Variants in CSMD1 observed in about 807,000 individuals in gnomAD.
CSMD1 encodes CUB and Sushi multiple domains 1, also known as CUB and sushi domain-containing protein 1.
In CSMD1, 213 loss-of-function variants were observed where a neutral mutation model predicts 417.5. The ratio of observed to expected loss-of-function variants is 0.51; its 90% CI spans 0.46 to 0.57. The LOEUF is 0.57. Ranked by LOEUF, CSMD1 falls within the 20% of genes least tolerant of loss-of-function variation. CSMD1 has a pLI of 0.00. For synonymous variants in CSMD1, 2,862 were observed against 1,736.8 expected, an observed-to-expected ratio of 1.65 and a Z score of -16.11; for missense variants, 6,923 against 4,529.7, an observed-to-expected ratio of 1.53 and a Z score of -15.17.
At chr8:3,323,772 A>G (rs1303888258) in intron 23 of CSMD1, among the ~76,000 whole-genome samples, 2 of 136,294 alleles carry the variant, frequency 1.5e-5, no homozygotes, top group East Asian at 6.0e-4. Flanking sequence ...ATCATTGTTA[A>G]AATAGGCCCA....
At chr8:3,474,633 ACT>A (rs1563073397) in intron 11 of CSMD1, among the ~76,000 whole-genome samples, 1 of 152,016 alleles carries the variant, frequency 6.6e-6, no homozygotes. Context: ...TAGGAACTTA[ACT>A]CTTGTTTATA....
At chr8:3,813,811 CTTAA>C (rs774912937) in intron 5 of CSMD1, among the ~76,000 whole-genome samples, 4 of 151,866 alleles carry the variant, frequency 2.6e-5, no homozygotes, top group African/African-American at 4.9e-5. Context: ...TACTGAAAAA[CTTAA>C]AGTATGTCTT....
intron 1 of CSMD1, among the ~76,000 whole-genome samples, chr8:4,970,144 T>A (rs78827471): frequency 0.051 from 7,794 of 152,166 alleles, 246 homozygotes; most frequent in Middle Eastern, 0.15. Context: ...TTAGAAGGCA[T>A]ATCCTACTTT....
At chr8:3,744,548 A>G (rs753530614) in intron 6 of CSMD1, among the ~76,000 whole-genome samples, 2 of 152,340 alleles carry the variant, frequency 1.3e-5, no homozygotes, top group Middle Eastern at 3.4e-3. Context: ...CTTTATTTTC[A>G]TGTCAGACTC....
At chr8:4,358,776 A>T (rs1189669502) in intron 3 of CSMD1, among the ~76,000 whole-genome samples, 1 of 152,174 alleles carries the variant, frequency 6.6e-6, no homozygotes, top group Non-Finnish European at 1.5e-5. Flanking sequence ...GGTTGCAATA[A>T]AGCTTTGTCA....
At chr8:4,739,521 A>G (rs1201308509) in intron 1 of CSMD1, among the ~76,000 whole-genome samples, 1 of 152,218 alleles carries the variant, frequency 6.6e-6, no homozygotes, top group Non-Finnish European at 1.5e-5. Flanking sequence ...CTGTGACTCA[A>G]TGATAATAAC....
intron 3 of CSMD1, among the ~76,000 whole-genome samples, chr8:4,168,146 TACACACACACACACACACACACACAC>T (rs34184056): frequency 6.7e-6 from 1 of 149,388 alleles, no homozygotes; most frequent in Non-Finnish European, 1.5e-5. Context: ...AAAAAAAATA[TACACACACACACACACACACACACAC>T]ACACATACAC....
chr8:4,355,764 C>T, intron 3 of CSMD1, among the ~76,000 whole-genome samples: 1 of 152,126 alleles, frequency 6.6e-6, no homozygotes, highest in East Asian at 1.9e-4. Context: ...TCTGTTTCTC[C>T]AGTGTCATTC....
At chr8:4,495,916 G>T (rs1801956482) in intron 2 of CSMD1, among the ~76,000 whole-genome samples, 1 of 152,108 alleles carries the variant, frequency 6.6e-6, no homozygotes, top group Non-Finnish European at 1.5e-5. Context: ...CCCCAGGTTA[G>T]GATAAATTCT....
In CSMD1 at chr8:4,994,575, C is replaced by A; in HGVS notation, c.-159G>T. On this transcript the variant is annotated 5_prime_UTR_variant, in exon 1 of 70. Transcript: ENST00000635120. ...CCGACGCCTCCTGAAGGTCTGGGCGCCCGGCTCGCTTCCCTCTCATAGCAT... is the reference window on the plus strand; with the variant it reads ...CCGACGCCTCCTGAAGGTCTGGGCGACCGGCTCGCTTCCCTCTCATAGCAT... 1.5e-6 allele frequency: 1 copy of A among 649,260 alleles called. No homozygotes were observed. The highest frequency in any genetic ancestry group is 2.7e-6 in the Non-Finnish European group (1 of 367,660). The allele number at this position is 649,260 out of a possible 1,614,324, so 40.2% of individuals were successfully genotyped here.
chr8:4,140,124 G>A (rs73178308), intron 3 of CSMD1, among the ~76,000 whole-genome samples: 2 of 150,628 alleles, frequency 1.3e-5, no homozygotes, highest in African/African-American at 2.5e-5. Context: ...AGGTGAAGGC[G>A]GGAGGATTCC....
chr8:4,075,040 G>T (rs1799750475), intron 3 of CSMD1, among the ~76,000 whole-genome samples: 1 of 152,116 alleles, frequency 6.6e-6, no homozygotes, highest in Non-Finnish European at 1.5e-5. Context: ...ACCCCAGTAT[G>T]AATGATGAGT....
chr8:3,275,978 G>A (rs1013580280), intron 26 of CSMD1, among the ~76,000 whole-genome samples: 2 of 152,234 alleles, frequency 1.3e-5, no homozygotes, highest in African/African-American at 4.8e-5. Context: ...GTGAGGAACT[G>A]TGTTCCTTTG....
chr8:4,906,027 G>A (rs1200732076), intron 1 of CSMD1, among the ~76,000 whole-genome samples: 1 of 151,980 alleles, frequency 6.6e-6, no homozygotes, highest in Non-Finnish European at 1.5e-5. Flanking sequence ...AATTAAAATA[G>A]AAAGCATATT....
chr8:3,369,426 A>C, intron 18 of CSMD1, 56 bp from the exon 19 acceptor site: 1 of 828,856 alleles, frequency 1.2e-6, no homozygotes. Context: ...TGATTGCCAG[A>C]ACAAAATACT....
chr8:3,475,957 C>G (rs1490740693), intron 11 of CSMD1, among the ~76,000 whole-genome samples: 4 of 152,200 alleles, frequency 2.6e-5, no homozygotes, highest in Non-Finnish European at 4.4e-5. Flanking sequence ...TGTCATTTTA[C>G]TGTGTAGACA....
chr8:3,912,781 G>A (rs1808548978), intron 5 of CSMD1, among the ~76,000 whole-genome samples: 1 of 152,160 alleles, frequency 6.6e-6, no homozygotes, highest in Admixed American at 6.5e-5. Flanking sequence ...GTCACACGAA[G>A]GCATGCAATG....
chr8:3,754,071 C>T, intron 5 of CSMD1, 29 bp from the exon 6 acceptor site: 2 of 1,463,784 alleles, frequency 1.4e-6, no homozygotes, highest in Non-Finnish European at 9.5e-7. Context: ...AAAAAAATCT[C>T]CCTTGTAAAC....
In CSMD1 at chr8:4,312,175, G is replaced by A. The variant is rs76564744; in HGVS notation, c.415+107778C>T. On this transcript the variant is annotated intron_variant, in intron 3 of 69. Transcript: ENST00000635120. Reference sequence around the variant, plus strand: ...CACGCTTCCTACGTGCATTTAGTCAGAAGACACAATGAACATACACACTAT... The same window carrying A: ...CACGCTTCCTACGTGCATTTAGTCAAAAGACACAATGAACATACACACTAT... 6.2e-3 allele frequency among the ~76,000 whole-genome samples: 934 copies of A among 151,846 alleles called. 11 individuals carry two copies. The highest frequency in any genetic ancestry group is 0.021 in the African/African-American group (886 of 41,370).
Sources: gnomAD v4.1 joint callset for allele counts (sites outside exome capture counted in the v4.1 genomes callset) on GRCh38, gnomAD v4.1.1 for gene constraint, MANE v1.5 for transcripts, NCBI Gene and HGNC (gene_info 2026-07-23, HGNC 2026-07-21) for gene names.